Variants in PPM1L observed in about 807,000 individuals in gnomAD.
PPM1L encodes protein phosphatase 1L.
Under a neutral mutation model 31.4 loss-of-function variants are expected in PPM1L, and 13 were observed. That is an observed-to-expected ratio of 0.41 (90% CI 0.27 to 0.66). The LOEUF is 0.66. Ranked by LOEUF, PPM1L falls within the 30% of genes least tolerant of loss-of-function variation. The pLI, the probability that PPM1L is intolerant of heterozygous loss-of-function variation, is 0.29. For synonymous variants in PPM1L, 184 were observed against 175.4 expected, an observed-to-expected ratio of 1.05 and a Z score of -0.39; for missense variants, 326 against 453.7, an observed-to-expected ratio of 0.72 and a Z score of 2.56.
intron 1 of PPM1L, among the ~76,000 whole-genome samples, chr3:160,915,659 A>G (rs915331054): frequency 3.3e-5 from 5 of 152,218 alleles, no homozygotes; most frequent in African/African-American, 1.2e-4. Flanking sequence ...ACTTCAAACT[A>G]TACTACAAGG....
At chr3:160,783,455 C>T (rs1265917633) in intron 1 of PPM1L, among the ~76,000 whole-genome samples, 2 of 151,810 alleles carry the variant, frequency 1.3e-5, no homozygotes, top group Non-Finnish European at 2.9e-5. Flanking sequence ...CAAAAATTAG[C>T]CGGGCGTGGT....
chr3:160,858,797 C>A (rs1299039789), intron 1 of PPM1L, among the ~76,000 whole-genome samples: 1 of 152,266 alleles, frequency 6.6e-6, no homozygotes, highest in Admixed American at 6.5e-5. Context: ...ATAGTCCTAA[C>A]TCTCTGACTT....
At chr3:160,904,184 G>A (rs1047294376) in intron 1 of PPM1L, among the ~76,000 whole-genome samples, 3 of 152,188 alleles carry the variant, frequency 2.0e-5, no homozygotes, top group South Asian at 2.1e-4. Context: ...AGTTTTCTAC[G>A]TGAACCAAGG....
At chr3:161,018,074 A>G (rs1335781918) in intron 2 of PPM1L, among the ~76,000 whole-genome samples, 2 of 152,188 alleles carry the variant, frequency 1.3e-5, no homozygotes, top group African/African-American at 4.8e-5. Flanking sequence ...ATACATCTTG[A>G]CATTATTTAA....
At chr3:161,004,989 T>G (rs1408509301) in intron 2 of PPM1L, among the ~76,000 whole-genome samples, 1 of 152,174 alleles carries the variant, frequency 6.6e-6, no homozygotes, top group Non-Finnish European at 1.5e-5. Context: ...GTGCTATAAA[T>G]TTCCCTCTAC....
At chr3:160,883,375 A>G (rs1712791766) in intron 1 of PPM1L, among the ~76,000 whole-genome samples, 2 of 152,194 alleles carry the variant, frequency 1.3e-5, no homozygotes, top group African/African-American at 2.4e-5. Context: ...TGTGTACAAA[A>G]GCTATGTATA....
chr3:160,935,730 A>G (rs1714948511), intron 1 of PPM1L, among the ~76,000 whole-genome samples: 1 of 152,212 alleles, frequency 6.6e-6, no homozygotes, highest in Non-Finnish European at 1.5e-5. Flanking sequence ...TAACTCGTTG[A>G]TATTTAATTA....
intron 1 of PPM1L, among the ~76,000 whole-genome samples, chr3:160,779,007 A>G (rs78462308): frequency 0.017 from 2,528 of 151,830 alleles, 68 homozygotes; most frequent in African/African-American, 0.058. Flanking sequence ...GGTTTTCTAC[A>G]GTAAACAGTC....
chr3:160,857,064 A>G (rs1711732761), intron 1 of PPM1L, among the ~76,000 whole-genome samples: 1 of 152,208 alleles, frequency 6.6e-6, no homozygotes, highest in Admixed American at 6.5e-5. Flanking sequence ...CCCAGATTTT[A>G]AATTGTAAGT....
intron 2 of PPM1L, among the ~76,000 whole-genome samples, chr3:160,968,621 T>C (rs1330802731): frequency 6.6e-6 from 1 of 152,236 alleles, no homozygotes; most frequent in Non-Finnish European, 1.5e-5. Context: ...TACATATTCC[T>C]TTGTTAAGGA....
chr3:160,756,775 G>T lies in PPM1L; in HGVS notation c.399+68G>T. On this transcript the variant is annotated intron_variant, in intron 1 of 3. Coordinates refer to ENST00000498165, the MANE Select transcript of PPM1L (RefSeq NM_139245.4). The surrounding 1 kb of genome is among the most constrained non-coding windows in gnomAD (Gnocchi z 6.2). ...CTCGTGTGTGTGTGTGTGTGTGTGTGTGTGTGTGTGTGTGTATAAACAACA... is the reference window on the plus strand; with the variant it reads ...CTCGTGTGTGTGTGTGTGTGTGTGTTTGTGTGTGTGTGTGTATAAACAACA... 9.3e-6 allele frequency: 13 copies of T among 1,404,696 alleles called. No homozygotes were observed. The highest frequency in any genetic ancestry group is 1.3e-5 in the Non-Finnish European group (13 of 1,036,386). The allele number at this position is 1,404,696 out of a possible 1,614,324, so 87.0% of individuals were successfully genotyped here. A position where few individuals can be genotyped will look rare whatever the true frequency, so the allele number is the denominator to read the frequency against.
intron 1 of PPM1L, among the ~76,000 whole-genome samples, chr3:160,771,180 T>C (rs1041943668): frequency 6.6e-6 from 1 of 152,198 alleles, no homozygotes; most frequent in Non-Finnish European, 1.5e-5. Context: ...AATGGTACCA[T>C]TTCACTACAC....
intron 1 of PPM1L, among the ~76,000 whole-genome samples, chr3:160,901,341 C>T (rs375965467): frequency 6.6e-6 from 1 of 152,120 alleles, no homozygotes; most frequent in Non-Finnish European, 1.5e-5. Flanking sequence ...GTTGGTTTCT[C>T]TACTTCCATC....
rs965364827 is a variant in PPM1L, at chr3:161,065,654, T to G, written c.736+90T>G. 4.0e-6 allele frequency: 5 copies of G among 1,252,176 alleles called. No homozygotes were observed. In the African/African-American group the frequency reaches 4.5e-5, roughly 11 times the overall value. The allele number at this position is 1,252,176 out of a possible 1,614,324, so 77.6% of individuals were successfully genotyped here. ...GAGAGCTCCTGGATAAAATGTCCAG[T>G]TATGCAGTATTAGAGAGGCTGCTAC... On this transcript the variant is annotated intron_variant, in intron 3 of 3. Transcript: ENST00000498165.
At chr3:160,972,043 C>G (rs1347329101) in intron 2 of PPM1L, among the ~76,000 whole-genome samples, 1 of 152,174 alleles carries the variant, frequency 6.6e-6, no homozygotes, top group Non-Finnish European at 1.5e-5. Context: ...CCTGGAATTA[C>G]AGGAATGAGC....
At chr3:160,996,143 A>G (rs886761588) in intron 2 of PPM1L, among the ~76,000 whole-genome samples, 13 of 152,178 alleles carry the variant, frequency 8.5e-5, no homozygotes, top group Non-Finnish European at 1.9e-4. Flanking sequence ...AAAATAATAG[A>G]TGTTGGCATG....
At chr3:161,016,912 GT>G (rs1172703560) in intron 2 of PPM1L, among the ~76,000 whole-genome samples, 1 of 152,112 alleles carries the variant, frequency 6.6e-6, no homozygotes, top group East Asian at 1.9e-4. Context: ...GGAGAAGATT[GT>G]GTTTTCCAGT....
At chr3:160,980,714 A>AGAAAG (rs1559912339) in intron 2 of PPM1L, among the ~76,000 whole-genome samples, 5 of 148,910 alleles carry the variant, frequency 3.4e-5, no homozygotes, top group East Asian at 3.9e-4. Flanking sequence ...GAGAAAAAAA[A>AGAAAG]AGAGAGAGAG....
intron 1 of PPM1L, among the ~76,000 whole-genome samples, chr3:160,774,974 GGGGATAC>G: frequency 6.6e-6 from 1 of 152,274 alleles, no homozygotes; most frequent in East Asian, 1.9e-4. Context: ...CAAATGAAAA[GGGGATAC>G]CAAGCTGTCT....
Sources: gnomAD v4.1 joint callset for allele counts (sites outside exome capture counted in the v4.1 genomes callset) on GRCh38, gnomAD v4.1.1 for gene constraint, Gnocchi (gnomAD v3.1) non-coding constraint, MANE v1.5 for transcripts, NCBI Gene and HGNC (gene_info 2026-07-23, HGNC 2026-07-21) for gene names.